The following SNRNP40 variants were observed in gnomAD, a reference collection of about 807,000 sequenced individuals.
The protein encoded by SNRNP40 is small nuclear ribonucleoprotein U5 subunit 40.
In SNRNP40, 21 loss-of-function variants were observed where a neutral mutation model predicts 45.8. That is an observed-to-expected ratio of 0.46 (90% CI 0.32 to 0.66). SNRNP40 has a LOEUF of 0.66. Among genes scored for constraint, SNRNP40 ranks in the 30% least tolerant of loss-of-function variants. The probability of loss-of-function intolerance (pLI) is 0.03; values close to 1 mark genes in which losing one functional copy is unlikely to be tolerated. For missense variants in SNRNP40, 344 were observed against 439.1 expected (o/e 0.78, Z 1.94); for synonymous variants, 142 against 163.8 (o/e 0.87, Z 1.01).
chr1:31,267,846 T>G, intron 8 of SNRNP40, 25 bp downstream of exon 8: 1 of 1,596,372 alleles, frequency 6.3e-7, no homozygotes, highest in South Asian at 1.1e-5. Context: ...ACATCATTCT[T>G]TACTTTGCAC....
chr1:31,288,967 G>A (rs866417693), intron 4 of SNRNP40, among the ~76,000 whole-genome samples: 2 of 152,272 alleles, frequency 1.3e-5, no homozygotes, highest in South Asian at 4.1e-4. Flanking sequence ...TCTTGACCTC[G>A]TGATCCACCC....
At chr1:31,270,244 G>A (rs1645928582) in intron 6 of SNRNP40, among the ~76,000 whole-genome samples, 1 of 152,172 alleles carries the variant, frequency 6.6e-6, no homozygotes, top group Non-Finnish European at 1.5e-5. Context: ...TAAAGAATTT[G>A]TAATTGTATT....
At chr1:31,288,859 G>A (rs1646081248) in intron 4 of SNRNP40, among the ~76,000 whole-genome samples, 1 of 152,074 alleles carries the variant, frequency 6.6e-6, no homozygotes, top group African/African-American at 2.4e-5. Context: ...AGCCTCCCAA[G>A]CAACTGGAAC....
intron 4 of SNRNP40, among the ~76,000 whole-genome samples, chr1:31,288,961 G>C (rs1182593568): frequency 1.3e-5 from 2 of 152,178 alleles, no homozygotes; most frequent in African/African-American, 4.8e-5. Flanking sequence ...TTGATCTCTT[G>C]ACCTCGTGAT....
intron 5 of SNRNP40, among the ~76,000 whole-genome samples, chr1:31,276,794 A>G (rs1645978738): frequency 6.6e-6 from 1 of 152,210 alleles, no homozygotes; most frequent in Non-Finnish European, 1.5e-5. Context: ...GCACTTTGGG[A>G]GGCTGAGGTG....
chr1:31,290,663 G>A (rs1022784018), intron 3 of SNRNP40, among the ~76,000 whole-genome samples: 1 of 151,676 alleles, frequency 6.6e-6, no homozygotes, highest in African/African-American at 2.4e-5. Context: ...GGATCACAAG[G>A]TCAGGAGATC....
chr1:31,288,160 C>T (rs148461713), intron 4 of SNRNP40, among the ~76,000 whole-genome samples: 29 of 143,310 alleles, frequency 2.0e-4, no homozygotes, highest in African/African-American at 5.6e-4. Context: ...AAGACCCTGT[C>T]TCAAAGAAAA....
chr1:31,279,865 T>A (rs966971186), intron 5 of SNRNP40, among the ~76,000 whole-genome samples: 16 of 151,526 alleles, frequency 1.1e-4, no homozygotes, highest in African/African-American at 3.9e-4. Context: ...TCCCAGCACT[T>A]TGGGAGGCCG....
chr1:31,291,395 GA>G (rs2148391532), intron 3 of SNRNP40, among the ~76,000 whole-genome samples: 1 of 151,406 alleles, frequency 6.6e-6, no homozygotes, highest in Admixed American at 6.6e-5. Context: ...TTTTATAATA[GA>G]AATAGCTGAT....
chr1:31,294,669 G>A (rs540998582), intron 1 of SNRNP40, among the ~76,000 whole-genome samples: 2 of 152,090 alleles, frequency 1.3e-5, no homozygotes, highest in African/African-American at 2.4e-5. Flanking sequence ...GCTGGGCGCG[G>A]TGGCTCACAC....
In SNRNP40 at chr1:31,296,730, T is replaced by C. The variant is rs1404630171; in HGVS notation, c.22A>G (p.Lys8Glu). The C allele has an allele frequency of 7.4e-6, 12 of 1,611,782 alleles. No homozygotes were observed. The highest frequency in any genetic ancestry group is 2.2e-5 in the East Asian group (1 of 44,746). Residue 8 changes from lysine to glutamate, a missense_variant, in exon 1 of 10, where the codon AAG becomes GAG. Coordinates refer to ENST00000263694, the MANE Select transcript of SNRNP40 (RefSeq NM_004814.3). Reference protein sequence around the residue: MIEQQKRKGPELPLVPVK... With the variant: MIEQQKREGPELPLVPVK... ...GGAACCAGCGGCAACTCTGGGCCCT[T>C]ACGCTTCTGCTGTTCTATCATGGCG...
chr1:31,295,227 G>A (rs1244785742), intron 1 of SNRNP40, among the ~76,000 whole-genome samples: 1 of 152,090 alleles, frequency 6.6e-6, no homozygotes, highest in Non-Finnish European at 1.5e-5. Context: ...GTTAGATGTG[G>A]TGGTGTGTGT....
At chr1:31,267,162 A>C (rs1427768229) in intron 8 of SNRNP40, among the ~76,000 whole-genome samples, 1 of 152,178 alleles carries the variant, frequency 6.6e-6, no homozygotes, top group East Asian at 1.9e-4. Context: ...AGAACGCAAA[A>C]GGAGGTTAGA....
chr1:31,288,730 T>C lies in SNRNP40; in HGVS notation c.531+524A>G, dbSNP rs1056969308. ...ACTCATAACAGCCTTGAAAGACACG[T>C]ATATTACTGTCACAGTTCTTTTTTT... On this transcript the variant is annotated intron_variant, in intron 4 of 9. Transcript: ENST00000263694. Among the ~76,000 whole-genome samples, 11 of 150,760 alleles carry C rather than the reference T, an allele frequency of 7.3e-5. No homozygotes were observed. The East Asian group carries it at 1.4e-3, about 19-fold the overall frequency.
At position 31,265,441 on chromosome 1, in the gene SNRNP40, G is replaced by A. The variant is rs573320807; in HGVS notation, c.920+2430C>T. Among the ~76,000 whole-genome samples the A allele has an allele frequency of 4.6e-5, 7 of 152,026 alleles. No individual in the cohort carries two copies. In the East Asian group the frequency reaches 7.7e-4, roughly 17 times the overall value. ...CATTGACCACATGTAAAGTTTAAAGGAACAGTGGAGAGGAAAAGAGAAAAA... is the reference window on the plus strand; with the variant it reads ...CATTGACCACATGTAAAGTTTAAAGAAACAGTGGAGAGGAAAAGAGAAAAA... On this transcript the variant is annotated intron_variant, in intron 8 of 9. Coordinates refer to ENST00000263694, the MANE Select transcript of SNRNP40 (RefSeq NM_004814.3).
chr1:31,260,160 C>T lies in SNRNP40; in HGVS notation c.1025-39G>A, dbSNP rs745563410. ...AACAGATAACTAGAAATAATGAAGG[C>T]TCAAGGAGACTTGGTGCTCAAGGGC... On this transcript the variant is annotated intron_variant, in intron 9 of 9. Coordinates refer to ENST00000263694, the MANE Select transcript of SNRNP40 (RefSeq NM_004814.3). The T allele has an allele frequency of 1.0e-5, 15 of 1,436,082 alleles. No homozygotes were observed. In the South Asian group the frequency reaches 1.7e-4, roughly 17 times the overall value. The allele number at this position is 1,436,082 out of a possible 1,614,324, so 89.0% of individuals were successfully genotyped here.
intron 7 of SNRNP40, 50 bp from the exon 8 acceptor site, chr1:31,267,982 G>T: frequency 1.5e-6 from 2 of 1,310,326 alleles, no homozygotes; most frequent in Non-Finnish European, 2.2e-6. Context: ...ACTCCTCTTT[G>T]CAAGGCTACC....
At chr1:31,260,310 G>A (rs1645849599) in intron 9 of SNRNP40, among the ~76,000 whole-genome samples, 189 bp from the exon 10 acceptor site, 1 of 152,060 alleles carries the variant, frequency 6.6e-6, no homozygotes, top group South Asian at 2.1e-4. Flanking sequence ...ATATCATGAG[G>A]ATGACTGTAC....
chr1:31,289,414 A>T lies in SNRNP40; in HGVS notation c.371T>A (p.Leu124His). ...ELHYNTDGSM[L>H]FSASTDKTVA... The stretch of plus-strand genomic sequence containing the variant: ...GGTTTTATCTGTGGATGCTGAGAAA[A>T]GCATACTAGAAAGTAAGAGAAAGAA... The change falls in exon 4 of 10, where the codon CTT becomes CAT. Residue 124 changes from leucine (L) to histidine (H), a missense_variant. Around this residue, in one of 2 missense-constraint regions of SNRNP40, gnomAD observed 254 missense variants for 380.2 expected, o/e 0.67. Coordinates refer to ENST00000263694, the MANE Select transcript of SNRNP40 (RefSeq NM_004814.3). 6.2e-7 allele frequency: 1 copy of T among 1,611,944 alleles called. No homozygotes were observed. The highest frequency in any genetic ancestry group is 8.5e-7 in the Non-Finnish European group (1 of 1,178,218).
Sources: gnomAD v4.1 joint callset for allele counts (sites outside exome capture counted in the v4.1 genomes callset) on GRCh38, gnomAD v4.1.1 for gene constraint, gnomAD v4.1.1 regional missense constraint, MANE v1.5 for transcripts, NCBI Gene and HGNC (gene_info 2026-07-23, HGNC 2026-07-21) for gene names.